LRRC72: variants seen among roughly 807,000 people sequenced by gnomAD.
LRRC72 encodes the protein leucine rich repeat containing 72.
Under a neutral mutation model 35.8 loss-of-function variants are expected in LRRC72, and 41 were observed. The ratio of observed to expected loss-of-function variants is 1.15; its 90% confidence interval spans 0.89 to 1.49. The LOEUF is 1.49. LRRC72 is among the 40% of genes most tolerant of loss of function. LRRC72 has a pLI of 0.00. For synonymous variants in LRRC72, 118 were observed against 119.2 expected (o/e 0.99, Z 0.07); for missense variants, 389 against 330.7 (o/e 1.18, Z -1.37).
intron 3 of LRRC72, among the ~76,000 whole-genome samples, chr7:16,547,081 C>T (rs545064848): frequency 7.2e-5 from 11 of 152,264 alleles, no homozygotes; most frequent in East Asian, 3.9e-4. Context: ...AGGCAGGACC[C>T]GCTCCCAGGC....
intron 7 of LRRC72, among the ~76,000 whole-genome samples, chr7:16,572,909 G>A (rs1427051005): frequency 1.3e-5 from 2 of 152,122 alleles, no homozygotes; most frequent in African/African-American, 4.8e-5. Context: ...AAACCCCATT[G>A]TCTCAGCCCA....
intron 7 of LRRC72, 150 bp downstream of exon 7, chr7:16,567,693 T>C: frequency 1.3e-6 from 1 of 746,648 alleles, no homozygotes; most frequent in Non-Finnish European, 2.0e-6. Flanking sequence ...TTTGCTAACC[T>C]TATAATACTT....
intron 3 of LRRC72, among the ~76,000 whole-genome samples, chr7:16,538,482 C>G (rs138162303): frequency 6.6e-6 from 1 of 152,306 alleles, no homozygotes; most frequent in Non-Finnish European, 1.5e-5. Context: ...AACTGAGGGT[C>G]TTTTGGCCTT....
chr7:16,529,514 C>A (rs1224155445), intron 1 of LRRC72, among the ~76,000 whole-genome samples: 1 of 152,126 alleles, frequency 6.6e-6, no homozygotes, highest in Non-Finnish European at 1.5e-5. Context: ...ACATGGCAAA[C>A]TTAATTGAAT....
Position 16,526,986 on chromosome 7 carries a change from T to G in LRRC72, c.34T>G (p.Leu12Val). Reference sequence around the variant, plus strand: ...GGACCCGAACCCCGTGCCCCGTACCTTGCGATGCTGGCGCCTACGGAGGGC... The same window carrying G: ...GGACCCGAACCCCGTGCCCCGTACCGTGCGATGCTGGCGCCTACGGAGGGC... ...SWDPNPVPRT[L>V]RCWRLRRASE... The change falls in exon 1 of 9, where the codon TTG (leucine) becomes GTG (valine). Residue 12 changes from leucine to valine, a missense_variant. Transcript: ENST00000401542. 1 of 1,540,126 alleles carries G rather than the reference T, an allele frequency of 6.5e-7. No homozygotes were observed. The highest frequency in any genetic ancestry group is 8.7e-7 in the Non-Finnish European group (1 of 1,146,948).
At chr7:16,566,282 G>C (rs1256869440) in intron 5 of LRRC72, 31 bp from the exon 6 acceptor site, 1 of 1,380,198 alleles carries the variant, frequency 7.2e-7, no homozygotes, top group Non-Finnish European at 9.8e-7. Context: ...TTTGAAATCT[G>C]ACATTTTTAT....
intron 3 of LRRC72, among the ~76,000 whole-genome samples, chr7:16,541,826 G>C (rs1400749361): frequency 6.6e-6 from 1 of 152,202 alleles, no homozygotes; most frequent in Non-Finnish European, 1.5e-5. Flanking sequence ...GAAGAAAATT[G>C]CTTGAACTCG....
intron 7 of LRRC72, among the ~76,000 whole-genome samples, chr7:16,578,506 A>G (rs1339403627): frequency 2.0e-5 from 3 of 152,180 alleles, no homozygotes; most frequent in Admixed American, 6.5e-5. Flanking sequence ...AAACAAAACG[A>G]AAACAAAAAA....
chr7:16,559,260 G>A (rs972428576), intron 5 of LRRC72, among the ~76,000 whole-genome samples: 3 of 152,060 alleles, frequency 2.0e-5, no homozygotes, highest in Non-Finnish European at 2.9e-5. Flanking sequence ...CAGGCCTGGT[G>A]GCGTATGCCT....
rs1376767909 is a variant in LRRC72, at chr7:16,567,442, A to G, written c.569A>G (p.Lys190Arg). The change falls in exon 7 of 9, where the codon AAG becomes AGG. Residue 190 changes from lysine (K) to arginine (R), a missense_variant. Transcript: ENST00000401542. The part of the protein sequence containing the change: ...RSMITIFNHK[K>R]AHIVQSIAFG... ...ATGATTACCATTTTTAACCATAAAA[A>G]GGCTCATATCGTTCAATCAATAGCA... 9 of 1,520,992 alleles carry G rather than the reference A, an allele frequency of 5.9e-6. No homozygotes were observed. Among genetic ancestry groups the G allele is most frequent in the Non-Finnish European group, 7.9e-6 (9 of 1,133,798 alleles). The allele number at this position is 1,520,992 out of a possible 1,614,324, so 94.2% of individuals were successfully genotyped here.
In LRRC72 at chr7:16,581,350, C is replaced by A. The variant is rs544673350; in HGVS notation, c.725C>A (p.Ala242Asp). 3.3e-6 allele frequency: 5 copies of A among 1,527,164 alleles called. No individual in the cohort carries two copies. The South Asian group carries it at 6.4e-5, about 19-fold the overall frequency. The allele number at this position is 1,527,164 out of a possible 1,614,324, so 94.6% of individuals were successfully genotyped here. The change falls in exon 9 of 9, where the codon GCT (alanine) becomes GAT (aspartate). Residue 242 changes from alanine (A) to aspartate (D), a missense_variant. Transcript: ENST00000401542. ...DKTVLDDPED[A>D]VFVRSMKRSV... Reference sequence around the variant, plus strand: ...ACTGTGCTTGATGACCCAGAAGATGCTGTTTTTGTGAGGTCCATGAAGAGA... The same window carrying A: ...ACTGTGCTTGATGACCCAGAAGATGATGTTTTTGTGAGGTCCATGAAGAGA...
chr7:16,563,548 G>T (rs1045040383), intron 5 of LRRC72, among the ~76,000 whole-genome samples: 10 of 152,166 alleles, frequency 6.6e-5, no homozygotes, highest in African/African-American at 2.4e-4. Flanking sequence ...GTTTCTAAAA[G>T]AATGTGCCCA....
At chr7:16,562,119 C>T (rs1782753433) in intron 5 of LRRC72, among the ~76,000 whole-genome samples, 2 of 152,146 alleles carry the variant, frequency 1.3e-5, no homozygotes, top group Admixed American at 6.5e-5. Context: ...TCAGGGAGGC[C>T]TAAACCAGCT....
At chr7:16,555,863 A>C (rs1782641344) in intron 3 of LRRC72, among the ~76,000 whole-genome samples, 1 of 152,334 alleles carries the variant, frequency 6.6e-6, no homozygotes, top group African/African-American at 2.4e-5. Context: ...TCTTGTATAC[A>C]TAAAGTACTA....
chr7:16,578,591 C>T (rs1205403034), intron 7 of LRRC72, among the ~76,000 whole-genome samples: 1 of 152,198 alleles, frequency 6.6e-6, no homozygotes, highest in South Asian at 2.1e-4. Context: ...AAACAAATCT[C>T]TATGTATATA....
chr7:16,555,025 C>A (rs534566137), intron 3 of LRRC72, among the ~76,000 whole-genome samples: 4 of 152,136 alleles, frequency 2.6e-5, no homozygotes, highest in Admixed American at 6.6e-5. Context: ...CAGAAGGCAG[C>A]GAATTGCTGC....
intron 7 of LRRC72, among the ~76,000 whole-genome samples, chr7:16,570,842 C>T (rs1782931846): frequency 6.6e-6 from 1 of 152,064 alleles, no homozygotes; most frequent in Admixed American, 6.6e-5. Context: ...AACCCATATT[C>T]ACATTTTCTC....
chr7:16,554,947 T>C (rs1162476936), intron 3 of LRRC72, among the ~76,000 whole-genome samples: 16 of 152,254 alleles, frequency 1.1e-4, no homozygotes, highest in Admixed American at 1.0e-3. Flanking sequence ...TGATTTCCAC[T>C]GGCATTGTTT....
intron 3 of LRRC72, among the ~76,000 whole-genome samples, chr7:16,554,141 C>CA (rs1296788213): frequency 1.3e-5 from 2 of 152,098 alleles, no homozygotes; most frequent in African/African-American, 4.8e-5. Context: ...CCAGCCTGGC[C>CA]AACATGGGGA....
Sources: allele counts gnomAD v4.1 joint callset (sites outside exome capture counted in the v4.1 genomes callset), GRCh38; gene constraint gnomAD v4.1.1; transcripts MANE v1.5; gene names NCBI Gene and HGNC (gene_info 2026-07-23, HGNC 2026-07-21).